Variants in TBC1D30 observed in about 807,000 individuals in gnomAD.
TBC1D30 encodes TBC1 domain family, member 30.
Under a neutral mutation model 63.2 loss-of-function variants are expected in TBC1D30, and 31 were observed. That is an observed-to-expected ratio of 0.49 (90% CI 0.37 to 0.66). TBC1D30 has a LOEUF of 0.66. Ranked by LOEUF, TBC1D30 falls within the 30% of genes least tolerant of loss-of-function variation. The pLI is 0.00. For missense variants in TBC1D30, 810 were observed against 953.6 expected, an observed-to-expected ratio of 0.85 and a Z score of 1.98; for synonymous variants, 307 against 361.5, an observed-to-expected ratio of 0.85 and a Z score of 1.71.
chr12:64,801,269 G>C (rs1271175320), intron 2 of TBC1D30, among the ~76,000 whole-genome samples: 1 of 152,198 alleles, frequency 6.6e-6, no homozygotes, highest in Non-Finnish European at 1.5e-5. Flanking sequence ...TGTGTGAGAT[G>C]AATGGATAGA....
chr12:64,789,295 T>C (rs1342956472), intron 2 of TBC1D30, among the ~76,000 whole-genome samples: 2 of 151,278 alleles, frequency 1.3e-5, no homozygotes, highest in Non-Finnish European at 2.9e-5. Flanking sequence ...AGCGATCCTC[T>C]TACCTCATCC....
intron 1 of TBC1D30, among the ~76,000 whole-genome samples, chr12:64,766,803 C>A (rs1263976372): frequency 6.6e-6 from 1 of 152,102 alleles, no homozygotes; most frequent in Non-Finnish European, 1.5e-5. Flanking sequence ...GGCCATAAAA[C>A]AAACCTCGAT....
chr12:64,814,775 T>C lies in TBC1D30; in HGVS notation c.644-13060T>C, dbSNP rs1171443406. Among the ~76,000 whole-genome samples, 3 of 152,232 alleles carry C rather than the reference T, an allele frequency of 2.0e-5. No homozygotes were observed. The East Asian group carries it at 5.8e-4, about 29-fold the overall frequency. On this transcript the variant is annotated intron_variant, in intron 2 of 12. Transcript: ENST00000542120. ...AGAGAAGGAGAACATAGAAAGTGTA[T>C]ATATTAAGAGCTGTCTGCTTCCTTA...
intron 2 of TBC1D30, among the ~76,000 whole-genome samples, chr12:64,819,549 T>A (rs1873765783): frequency 6.6e-6 from 1 of 151,662 alleles, no homozygotes; most frequent in Non-Finnish European, 1.5e-5. Flanking sequence ...CCCAAGTAGC[T>A]GGGATTACAG....
intron 8 of TBC1D30, among the ~76,000 whole-genome samples, chr12:64,856,126 A>G (rs115978400): frequency 0.011 from 1,653 of 150,282 alleles, 24 homozygotes; most frequent in African/African-American, 0.038. Context: ...GGGAACAGAC[A>G]TGTCACATAG....
intron 9 of TBC1D30, among the ~76,000 whole-genome samples, chr12:64,866,531 G>A (rs866862986): frequency 2.0e-5 from 3 of 151,874 alleles, no homozygotes; most frequent in Admixed American, 6.6e-5. Context: ...TCCGCCTCCC[G>A]GGTTCAAGCG....
At chr12:64,825,150 C>T (rs1252879565) in intron 1 of TBC1D30, 117 bp downstream of exon 1, 20 of 1,375,416 alleles carry the variant, frequency 1.5e-5, no homozygotes, top group Non-Finnish European at 1.9e-5. Context: ...CCGCGTGCCA[C>T]CTGGTGCGGG....
intron 2 of TBC1D30, among the ~76,000 whole-genome samples, chr12:64,800,627 G>A (rs542355466): frequency 4.7e-4 from 72 of 152,196 alleles, no homozygotes; most frequent in Middle Eastern, 6.8e-3. Context: ...GATCCCTCAG[G>A]TACCACATGT....
chr12:64,870,889 T>G, intron 11 of TBC1D30, 81 bp downstream of exon 11: 5 of 1,361,404 alleles, frequency 3.7e-6, no homozygotes, highest in Non-Finnish European at 5.0e-6. Flanking sequence ...AGGAAGGCCT[T>G]GGAATTACTA....
At chr12:64,770,830 C>T (rs763049332) in intron 1 of TBC1D30, among the ~76,000 whole-genome samples, 11 of 151,620 alleles carry the variant, frequency 7.3e-5, no homozygotes, top group East Asian at 3.9e-4. Flanking sequence ...CAGCCTCCCA[C>T]GTAGCTGGGA....
chr12:64,840,048 G>T (rs1875735562), intron 7 of TBC1D30, among the ~76,000 whole-genome samples: 2 of 146,222 alleles, frequency 1.4e-5, no homozygotes, highest in Non-Finnish European at 3.0e-5. Context: ...TATCAATTCA[G>T]GGACTTAAAA....
At chr12:64,837,287 G>A (rs1005554197) in intron 6 of TBC1D30, among the ~76,000 whole-genome samples, 1 of 152,028 alleles carries the variant, frequency 6.6e-6, no homozygotes, top group Non-Finnish European at 1.5e-5. Context: ...ATAGTTTCAG[G>A]ATGATTCAAG....
intron 1 of TBC1D30, among the ~76,000 whole-genome samples, chr12:64,765,276 C>G (rs956995138): frequency 1.3e-5 from 2 of 151,084 alleles, no homozygotes; most frequent in Non-Finnish European, 3.0e-5. Flanking sequence ...ATCATGAGGT[C>G]AGGAGATCAA....
intron 1 of TBC1D30, among the ~76,000 whole-genome samples, chr12:64,826,514 C>G (rs7958423): frequency 0.014 from 2,056 of 152,250 alleles, 18 homozygotes; most frequent in Middle Eastern, 0.058. Context: ...CAGCACCTCG[C>G]GTCCGGACAG....
chr12:64,804,718 T>C (rs1203798493), intron 2 of TBC1D30, among the ~76,000 whole-genome samples: 2 of 152,198 alleles, frequency 1.3e-5, no homozygotes, highest in Admixed American at 6.5e-5. Flanking sequence ...ATTTTTTTCC[T>C]CTAAACCACT....
intron 8 of TBC1D30, among the ~76,000 whole-genome samples, chr12:64,856,669 C>T (rs1166347203): frequency 6.6e-6 from 1 of 152,120 alleles, no homozygotes; most frequent in Non-Finnish European, 1.5e-5. Flanking sequence ...AAGGCCCTTC[C>T]CTTCAGGGCA....
rs749722005 is a variant in TBC1D30, at chr12:64,876,971, A to T, written c.*1183A>T. 2.2e-6 allele frequency: 1 copy of T among 454,098 alleles called. No individual in the cohort carries two copies. Among genetic ancestry groups the T allele is most frequent in the Non-Finnish European group, 4.4e-6 (1 of 225,594 alleles). 28.1% of individuals were successfully genotyped at this position (454,098 alleles called of 1,614,324 possible). A position where few individuals can be genotyped will look rare whatever the true frequency, so the allele number is the denominator to read the frequency against. On this transcript the variant is annotated 3_prime_UTR_variant, in exon 12 of 12. Transcript: ENST00000539867. Reference sequence around the variant, plus strand: ...TCGGTATTCCAAGTGACTTAGCCACATTTCCTTCAGTGCAATAGGTGGGTT... The same window carrying T: ...TCGGTATTCCAAGTGACTTAGCCACTTTTCCTTCAGTGCAATAGGTGGGTT...
At chr12:64,867,073 A>G (rs994187690) in intron 10 of TBC1D30, among the ~76,000 whole-genome samples, 170 bp downstream of exon 10, 7 of 152,166 alleles carry the variant, frequency 4.6e-5, no homozygotes, top group Admixed American at 4.6e-4. Flanking sequence ...GCACTTTAGG[A>G]GGCTGAGACA....
At chr12:64,762,846 T>C (rs1015729900) in intron 1 of TBC1D30, among the ~76,000 whole-genome samples, 1 of 152,216 alleles carries the variant, frequency 6.6e-6, no homozygotes, top group Non-Finnish European at 1.5e-5. Flanking sequence ...TGGTGATAAT[T>C]CAGAAAAATT....
Sources: allele counts gnomAD v4.1 joint callset (sites outside exome capture counted in the v4.1 genomes callset), GRCh38; gene constraint gnomAD v4.1.1; transcripts MANE v1.5; gene names NCBI Gene and HGNC (gene_info 2026-07-23, HGNC 2026-07-21).